The following KATNAL2 variants were observed in gnomAD, a reference collection of about 807,000 sequenced individuals.
KATNAL2 encodes the protein katanin catalytic subunit A1 like 2.
KATNAL2 carries 52 observed loss-of-function variants against 76.3 expected under a neutral mutation model. The ratio of observed to expected loss-of-function variants is 0.68; its 90% CI spans 0.55 to 0.86. KATNAL2 has a LOEUF of 0.86. Among genes scored for constraint, KATNAL2 ranks in the 40% least tolerant of loss-of-function variants. The probability of loss-of-function intolerance (pLI) is 0.00; values close to 1 mark genes in which losing one functional copy is unlikely to be tolerated. For missense variants in KATNAL2, 660 were observed against 668.9 expected, an observed-to-expected ratio of 0.99 and a Z score of 0.15; for synonymous variants, 243 against 244.2, an observed-to-expected ratio of 1.00 and a Z score of 0.05.
intron 1 of KATNAL2, among the ~76,000 whole-genome samples, chr18:46,923,402 A>G (rs924659539): frequency 1.1e-4 from 16 of 151,922 alleles, no homozygotes; most frequent in Non-Finnish European, 1.6e-4. Flanking sequence ...ACATGAACTC[A>G]TCATTTTTTA....
intron 3 of KATNAL2, chr18:47,035,437 GGT>G (rs1569058212): frequency 7.3e-7 from 1 of 1,375,970 alleles, no homozygotes. Context: ...CAGGCCACTT[GGT>G]CTGGAACGGC....
chr18:47,056,453 A>G (rs182730723), intron 6 of KATNAL2, among the ~76,000 whole-genome samples: 2 of 152,304 alleles, frequency 1.3e-5, no homozygotes, highest in East Asian at 3.9e-4. Context: ...GCAGATGTTG[A>G]GCTTGAACAG....
chr18:47,053,834 C>T (rs1599679982), intron 5 of KATNAL2, among the ~76,000 whole-genome samples: 1 of 152,190 alleles, frequency 6.6e-6, no homozygotes, highest in East Asian at 1.9e-4. Flanking sequence ...ACTTCCTTGG[C>T]AGGTGGTTAG....
intron 10 of KATNAL2, among the ~76,000 whole-genome samples, chr18:47,064,314 C>T (rs1233104829): frequency 1.3e-5 from 2 of 152,098 alleles, no homozygotes; most frequent in East Asian, 3.9e-4. Context: ...AAGAGGGAGG[C>T]TAGGAGCTGT....
At chr18:47,074,180 C>A (rs11877788) in intron 13 of KATNAL2, among the ~76,000 whole-genome samples, 4,110 of 152,288 alleles carry the variant, frequency 0.027, 156 homozygotes, top group African/African-American at 0.095. Flanking sequence ...TGCCATTGTT[C>A]TCTCAGTTCA....
intron 15 of KATNAL2, among the ~76,000 whole-genome samples, chr18:47,085,959 G>A (rs1033435346): frequency 6.6e-6 from 1 of 152,014 alleles, no homozygotes; most frequent in Admixed American, 6.6e-5. Context: ...CAGGCGTGGT[G>A]GTGTGTGCCT....
intron 3 of KATNAL2, chr18:47,035,552 CTGG>C (rs2060734430): frequency 1.6e-6 from 1 of 630,110 alleles, no homozygotes; most frequent in African/African-American, 1.8e-5. Flanking sequence ...GAATGAAGCT[CTGG>C]TGCCAGAGCT....
intron 1 of KATNAL2, among the ~76,000 whole-genome samples, chr18:46,934,962 A>G (rs1259747545): frequency 3.3e-5 from 5 of 152,196 alleles, no homozygotes; most frequent in African/African-American, 1.2e-4. Flanking sequence ...AGTTGTAGAT[A>G]TGTGGCTAAA....
chr18:46,957,364 C>T (rs1381459247), intron 3 of KATNAL2, among the ~76,000 whole-genome samples: 1 of 145,420 alleles, frequency 6.9e-6, no homozygotes, highest in African/African-American at 2.5e-5. Flanking sequence ...ACGCCATTCT[C>T]TTGCCTCAGC....
At chr18:47,031,332 T>C (rs538510896) in intron 3 of KATNAL2, among the ~76,000 whole-genome samples, 1 of 152,106 alleles carries the variant, frequency 6.6e-6, no homozygotes, top group Non-Finnish European at 1.5e-5. Context: ...ATTTGAAATA[T>C]GTATGTTTTC....
chr18:46,928,096 T>G (rs1292796455), intron 1 of KATNAL2, among the ~76,000 whole-genome samples: 2 of 152,246 alleles, frequency 1.3e-5, no homozygotes, highest in East Asian at 3.8e-4. Flanking sequence ...GTCAAAGTCA[T>G]TCTCCATCCA....
chr18:47,100,543 T>C (rs2063416464), intron 17 of KATNAL2, among the ~76,000 whole-genome samples, 187 bp downstream of exon 17: 1 of 152,190 alleles, frequency 6.6e-6, no homozygotes, highest in Non-Finnish European at 1.5e-5. Flanking sequence ...TGCTTGCAGA[T>C]GATAAACTCC....
intron 15 of KATNAL2, among the ~76,000 whole-genome samples, chr18:47,079,551 C>A (rs1187806985): frequency 6.6e-6 from 1 of 152,066 alleles, no homozygotes; most frequent in East Asian, 1.9e-4. Flanking sequence ...CCTGCCACCA[C>A]GCCCGGCTAA....
chr18:46,948,056 A>G (rs7244384), intron 3 of KATNAL2, among the ~76,000 whole-genome samples: 2,955 of 152,282 alleles, frequency 0.019, 82 homozygotes, highest in African/African-American at 0.066. Context: ...TCTACGTTTG[A>G]AAAACACAGC....
chr18:47,058,601 T>C (rs1599700977), intron 7 of KATNAL2, among the ~76,000 whole-genome samples: 1 of 152,192 alleles, frequency 6.6e-6, no homozygotes, highest in East Asian at 1.9e-4. Flanking sequence ...GTCTGGGTGC[T>C]GGGTGATTGG....
intron 3 of KATNAL2, chr18:47,033,105 G>C (rs777635453): frequency 6.2e-7 from 1 of 1,614,134 alleles, no homozygotes. Flanking sequence ...CGGGCGCCGC[G>C]TGCTCATTGC....
intron 15 of KATNAL2, among the ~76,000 whole-genome samples, chr18:47,081,006 CCCT>C (rs1285316079): frequency 1.3e-5 from 2 of 150,448 alleles, no homozygotes; most frequent in Non-Finnish European, 3.0e-5. Flanking sequence ...CTCCTTCCTT[CCCT>C]CCTTCCCTCC....
intron 3 of KATNAL2, among the ~76,000 whole-genome samples, chr18:46,953,568 C>T (rs1400426338): frequency 6.6e-6 from 1 of 152,100 alleles, no homozygotes; most frequent in African/African-American, 2.4e-5. Flanking sequence ...CCAGCGTGGG[C>T]AACATAGTTA....
At chr18:47,036,627 C>G (rs537649614) in intron 3 of KATNAL2, among the ~76,000 whole-genome samples, 57 of 152,328 alleles carry the variant, frequency 3.7e-4, no homozygotes, top group African/African-American at 1.4e-3. Context: ...ACTCTTGTCT[C>G]TAGCTATTAT....
Sources: gnomAD v4.1 joint callset for allele counts (sites outside exome capture counted in the v4.1 genomes callset) on GRCh38, gnomAD v4.1.1 for gene constraint, MANE v1.5 for transcripts, NCBI Gene and HGNC (gene_info 2026-07-23, HGNC 2026-07-21) for gene names.